ASTN2: variants seen among roughly 807,000 people sequenced by gnomAD.
The protein encoded by ASTN2 is astrotactin 2, also known as astrotactin-2.
ASTN2 carries 54 observed loss-of-function variants against 139.8 expected under a neutral mutation model. The observed-to-expected ratio is 0.39, with a 90% CI of 0.31 to 0.48. The LOEUF is 0.48. Ranked by LOEUF, ASTN2 falls within the 20% of genes least tolerant of loss-of-function variation. The pLI is 0.95. For missense variants in ASTN2, 1,565 were observed against 1,725.1 expected (o/e 0.91, Z 1.64); for synonymous variants, 756 against 719.5 (o/e 1.05, Z -0.81).
At chr9:116,605,242 C>T (rs1855130684) in intron 19 of ASTN2, among the ~76,000 whole-genome samples, 1 of 151,978 alleles carries the variant, frequency 6.6e-6, no homozygotes, top group Non-Finnish European at 1.5e-5. Context: ...TCCCAGATGC[C>T]AGGGCAGAAA....
chr9:116,702,404 TC>T (rs1344145279), intron 16 of ASTN2, among the ~76,000 whole-genome samples: 1 of 152,140 alleles, frequency 6.6e-6, no homozygotes, highest in Admixed American at 6.5e-5. Context: ...CTCAGGCATT[TC>T]TTTCCCCTCA....
At chr9:117,111,503 C>T (rs1030594925) in intron 4 of ASTN2, among the ~76,000 whole-genome samples, 1 of 151,144 alleles carries the variant, frequency 6.6e-6, no homozygotes, top group African/African-American at 2.4e-5. Flanking sequence ...ATTAACAGAA[C>T]TTTTCCAACT....
At chr9:116,637,478 A>G (rs923831545) in intron 17 of ASTN2, among the ~76,000 whole-genome samples, 2 of 152,226 alleles carry the variant, frequency 1.3e-5, no homozygotes, top group African/African-American at 4.8e-5. Flanking sequence ...CCCAAAAGGC[A>G]TACAGTATTT....
At chr9:117,017,371 G>A (rs969712571) in intron 6 of ASTN2, among the ~76,000 whole-genome samples, 4 of 151,992 alleles carry the variant, frequency 2.6e-5, no homozygotes, top group Non-Finnish European at 5.9e-5. Context: ...CATGGTTGAC[G>A]ACTACTCCCC....
intron 13 of ASTN2, among the ~76,000 whole-genome samples, chr9:116,744,713 C>T (rs1306075201): frequency 1.3e-5 from 2 of 152,122 alleles, no homozygotes; most frequent in Non-Finnish European, 1.5e-5. Flanking sequence ...AGACCTGCCT[C>T]CCCAGTATTT....
chr9:116,672,766 C>A (rs1169581273), intron 16 of ASTN2, among the ~76,000 whole-genome samples: 1 of 152,156 alleles, frequency 6.6e-6, no homozygotes, highest in Non-Finnish European at 1.5e-5. Context: ...AGAATTGTTT[C>A]AAAATATCTT....
chr9:116,784,912 A>G (rs893276676), intron 13 of ASTN2, among the ~76,000 whole-genome samples: 4 of 143,866 alleles, frequency 2.8e-5, no homozygotes, highest in Non-Finnish European at 6.1e-5. Context: ...CTGGGCAACA[A>G]GAGTGAAACT....
chr9:117,388,426 G>A (rs1250665026), intron 1 of ASTN2, among the ~76,000 whole-genome samples: 3 of 152,158 alleles, frequency 2.0e-5, no homozygotes, highest in African/African-American at 7.2e-5. Flanking sequence ...AGGAAAGGAT[G>A]ACAGACACTT....
intron 1 of ASTN2, among the ~76,000 whole-genome samples, chr9:117,333,068 A>T (rs988429764): frequency 6.6e-6 from 1 of 152,212 alleles, no homozygotes; most frequent in East Asian, 1.9e-4. Context: ...TGATGGTTGC[A>T]TGTATCTGTG....
At chr9:117,107,861 T>C (rs973656120) in intron 4 of ASTN2, among the ~76,000 whole-genome samples, 3 of 152,240 alleles carry the variant, frequency 2.0e-5, no homozygotes, top group African/African-American at 4.8e-5. Context: ...ATTGTATCTG[T>C]ATATTTCAAC....
At chr9:116,639,690 T>C (rs1334850568) in intron 17 of ASTN2, among the ~76,000 whole-genome samples, 1 of 152,140 alleles carries the variant, frequency 6.6e-6, no homozygotes, top group Non-Finnish European at 1.5e-5. Flanking sequence ...GATAAATAAG[T>C]AGACATTGGA....
Position 116,689,105 on chromosome 9 carries a change from C to G in ASTN2, c.2806+36666G>C, listed in dbSNP as rs186074712. 2.8e-4 allele frequency among the ~76,000 whole-genome samples: 43 copies of G among 152,244 alleles called. No individual in the cohort carries two copies. The East Asian group carries it at 5.8e-3, about 21-fold the overall frequency. On this transcript the variant is annotated intron_variant, in intron 16 of 22. Coordinates refer to ENST00000313400, the MANE Select transcript of ASTN2 (RefSeq NM_001365068.1). ...CATTTGACAATGTGTGGGATACGCC[C>G]TTCCCCCCCGCAGTAAGGAATTATC... is the stretch of plus-strand genomic sequence containing the variant.
At chr9:116,694,602 A>G (rs1349135229) in intron 16 of ASTN2, among the ~76,000 whole-genome samples, 1 of 149,610 alleles carries the variant, frequency 6.7e-6, no homozygotes, top group Non-Finnish European at 1.5e-5. Context: ...CTGGGACTAC[A>G]GGCGCCTGCC....
chr9:116,818,399 T>C (rs1831394759), intron 12 of ASTN2, among the ~76,000 whole-genome samples: 2 of 152,244 alleles, frequency 1.3e-5, no homozygotes, highest in Admixed American at 1.3e-4. Context: ...TTTACAGTGC[T>C]TCTAACAAGT....
chr9:117,393,357 A>C lies in ASTN2; in HGVS notation c.442+21140T>G, dbSNP rs138609450. On this transcript the variant is annotated intron_variant, in intron 1 of 22. Transcript: ENST00000313400. ...ACAGAGACTGAGAGAAAGTGATGGA[A>C]AGACAGACACACAAACACACACACA... Among the ~76,000 whole-genome samples the C allele has an allele frequency of 4.3e-4, 65 of 152,276 alleles. No individual in the cohort carries two copies. In the East Asian group the frequency reaches 7.1e-3, roughly 17 times the overall value.
chr9:116,860,657 G>A (rs1429667629), intron 11 of ASTN2, among the ~76,000 whole-genome samples: 3 of 152,182 alleles, frequency 2.0e-5, no homozygotes, highest in South Asian at 2.1e-4. Flanking sequence ...AAGCCAAAGT[G>A]GCCCTGGCAG....
intron 17 of ASTN2, among the ~76,000 whole-genome samples, chr9:116,647,346 T>G (rs758877259): frequency 1.3e-5 from 2 of 152,164 alleles, no homozygotes; most frequent in African/African-American, 4.8e-5. Context: ...CAAAGATACT[T>G]AATGAATGAA....
chr9:116,974,506 C>CTTTTTTTTT (rs3038410), intron 10 of ASTN2, among the ~76,000 whole-genome samples: 1 of 110,922 alleles, frequency 9.0e-6, no homozygotes, highest in African/African-American at 3.4e-5. Context: ...TTAGCCTGGA[C>CTTTTTTTTT]TTTTTTTTTT....
chr9:116,609,379 GTATATATATATATATATATA>G (rs56938236), intron 19 of ASTN2, among the ~76,000 whole-genome samples: 4 of 116,726 alleles, frequency 3.4e-5, no homozygotes, highest in East Asian at 2.3e-4. Flanking sequence ...ATATATGGGT[GTATATATATATATATATATA>G]TATATATATG....
Sources: allele counts gnomAD v4.1 joint callset (sites outside exome capture counted in the v4.1 genomes callset), GRCh38; gene constraint gnomAD v4.1.1; transcripts MANE v1.5; gene names NCBI Gene and HGNC (gene_info 2026-07-23, HGNC 2026-07-21).